The following NAIP variants were observed in gnomAD, a reference collection of about 807,000 sequenced individuals.
NAIP encodes the protein NLR family apoptosis inhibitory protein.
In NAIP, 15 loss-of-function variants were observed where a neutral mutation model predicts 23.0. The observed-to-expected ratio is 0.65, with a 90% CI of 0.44 to 1.00. The LOEUF (loss-of-function observed/expected upper bound fraction) is 1.00. Among genes scored for constraint, NAIP ranks in the 50% least tolerant of loss-of-function variants. NAIP has a pLI of 0.00. For missense variants in NAIP, 265 were observed against 278.8 expected (o/e 0.95, Z 0.35); for synonymous variants, 100 against 100.2 (o/e 1.00, Z 0.01).
At chr5:71,010,513 G>A (rs147973562) in intron 5 of NAIP, among the ~76,000 whole-genome samples, 2,045 of 151,088 alleles carry the variant, frequency 0.014, 67 homozygotes, top group African/African-American at 0.046. Context: ...CGGATCCACC[G>A]GCCTCAGCCT....
At chr5:71,002,920 C>T (rs1227400711) in intron 6 of NAIP, 31 of 31,270 alleles carry the variant, frequency 9.9e-4, no homozygotes, top group Admixed American at 2.0e-3. Flanking sequence ...ACGGCAGAGT[C>T]GGAGGAGAAT....
chr5:71,011,582 G>A (rs549025484), intron 4 of NAIP: 11 of 570,420 alleles, frequency 1.9e-5, no homozygotes, highest in East Asian at 3.0e-5. Flanking sequence ...CCTAAGCTGT[G>A]TAACTCAATA....
At chr5:71,000,542 A>G (rs986623007) in intron 8 of NAIP, among the ~76,000 whole-genome samples, 1 of 121,346 alleles carries the variant, frequency 8.2e-6, no homozygotes, top group Non-Finnish European at 1.6e-5. Flanking sequence ...TAATAATAAT[A>G]ATAATTATTA....
rs767549021 is a variant in NAIP at position 71,012,611 on chromosome 5, A to C, written c.305T>G (p.Leu102Arg). Residue 102 changes from leucine to arginine, a missense_variant, in exon 4 of 17, where the codon CTA becomes CGA. By Grantham distance (102) the Leu-to-Arg change is moderately radical. Coordinates refer to ENST00000517649, the MANE Select transcript of NAIP (RefSeq NM_004536.3). ...KSGIQCFCCS[L>R]ILFGAGLTRL... ...CGTGAGGCCGGCACCAAAGAGGATT[A>C]GGCTACAGCAGAAGCACTGAATCCC... 6.2e-7 allele frequency: 1 copy of C among 1,612,030 alleles called. No homozygotes were observed. Among genetic ancestry groups the C allele is most frequent in the Non-Finnish European group, 8.5e-7 (1 of 1,178,526 alleles).
At position 71,011,416 on chromosome 5, in the gene NAIP, C is replaced by A. The variant is rs115981394; in HGVS notation, c.569-42G>T. 737 of 1,455,486 alleles carry A rather than the reference C, an allele frequency of 5.1e-4. 3 individuals are homozygous for A. In the African/African-American group the frequency reaches 9.3e-3, roughly 18 times the overall value. 90.2% of individuals were successfully genotyped at this position (1,455,486 alleles called of 1,614,324 possible). On this transcript the variant is annotated intron_variant, in intron 4 of 16. Coordinates refer to ENST00000517649, the MANE Select transcript of NAIP (RefSeq NM_004536.3). The stretch of plus-strand genomic sequence containing the variant: ...ATATTTAGATTGCCTGGCAGTGGCA[C>A]CAGGGGGTATGTACACAGAGTTGAT...
At chr5:70,978,796 T>A (rs1377210891) in intron 13 of NAIP, among the ~76,000 whole-genome samples, 1 of 59,652 alleles carries the variant, frequency 1.7e-5, no homozygotes, top group Non-Finnish European at 2.8e-5. Flanking sequence ...TCTTTCTTTT[T>A]TTTTTTTTTT....
chr5:71,013,167 A>T (rs935434278), intron 3 of NAIP, among the ~76,000 whole-genome samples: 3 of 151,570 alleles, frequency 2.0e-5, no homozygotes, highest in African/African-American at 7.3e-5. Context: ...ACAGACACCC[A>T]TCTGCCTCCA....
chr5:70,996,290 GA>G (rs1313747823), intron 9 of NAIP, among the ~76,000 whole-genome samples: 195 of 50,132 alleles, frequency 3.9e-3, no homozygotes, highest in African/African-American at 0.011. Flanking sequence ...AAAAGAAAAA[GA>G]AAAAAAAAAT....
intron 5 of NAIP, among the ~76,000 whole-genome samples, chr5:71,009,643 T>G (rs186442892): frequency 5.5e-3 from 839 of 151,368 alleles, no homozygotes; most frequent in Admixed American, 9.6e-3. Context: ...TGAGCCAAGA[T>G]CGTACCACTG....
chr5:71,012,714 C>A lies in NAIP; in HGVS notation c.202G>T (p.Val68Leu). The A allele has an allele frequency of 6.2e-7, 1 of 1,611,770 alleles. No individual in the cohort carries two copies. The highest frequency in any genetic ancestry group is 8.5e-7 in the Non-Finnish European group (1 of 1,178,424). The change falls in exon 4 of 17, where the codon GTG becomes TTG. Residue 68 changes from valine to leucine, a missense_variant. This residue lies in a region of NAIP where 261 missense variants were observed against 259.2 expected (regional missense o/e 1.01). Coordinates refer to ENST00000517649, the MANE Select transcript of NAIP (RefSeq NM_004536.3). ...RSEAKRLKTF[V>L]TYEPYSSWIP... is the part of the protein sequence containing the mutation. ...CATGAGCTGTACGGCTCATAAGTCA[C>A]AAAAGTCTTTAACCTTTTTGCTTCA...
intron 4 of NAIP, chr5:71,011,606 G>A: frequency 1.9e-6 from 1 of 540,410 alleles, no homozygotes. Flanking sequence ...TGCCCCAGCT[G>A]CCCCCCAGAG....
At chr5:71,016,847 CTTTT>C (rs1231707099) in intron 3 of NAIP, among the ~76,000 whole-genome samples, 2 of 29,046 alleles carry the variant, frequency 6.9e-5, no homozygotes, top group African/African-American at 3.4e-4. Context: ...ACATTTTTCA[CTTTT>C]TTTTTTTCTT....
At chr5:71,015,017 G>A (rs1474593120) in intron 3 of NAIP, among the ~76,000 whole-genome samples, 5 of 151,714 alleles carry the variant, frequency 3.3e-5, no homozygotes, top group African/African-American at 1.2e-4. Flanking sequence ...CAGCTTAAAT[G>A]TGCATTGGTG....
At chr5:71,009,362 CA>C (rs555440243) in intron 5 of NAIP, among the ~76,000 whole-genome samples, 52 of 99,638 alleles carry the variant, frequency 5.2e-4, no homozygotes, top group Admixed American at 7.2e-4. Flanking sequence ...AACTCACTCT[CA>C]AAAAAAAAAA....
intron 5 of NAIP, 22 bp downstream of exon 5, chr5:71,011,253 T>C (rs749286854): frequency 1.1e-5 from 17 of 1,549,954 alleles, no homozygotes; most frequent in Middle Eastern, 3.4e-4. Context: ...AAGAAACATT[T>C]AAGCAAAAAT....
chr5:71,011,452 A>C, intron 4 of NAIP, 78 bp from the exon 5 acceptor site: 1 of 1,211,780 alleles, frequency 8.3e-7, no homozygotes, highest in Non-Finnish European at 1.2e-6. Context: ...TGTTTTGTTC[A>C]GGAGCAAGAC....
intron 5 of NAIP, 82 bp downstream of exon 5, chr5:71,011,193 A>G (rs1580932385): frequency 2.9e-6 from 3 of 1,050,650 alleles, no homozygotes; most frequent in African/African-American, 3.2e-5. Context: ...AAGTCATGCC[A>G]CTATACTCCA....
chr5:71,011,289 G>T lies in NAIP; in HGVS notation c.654C>A (p.Ala218=). The change falls in exon 5 of 17, where the codon GCC becomes GCA. Residue 218 remains alanine (A), a synonymous_variant. Transcript: ENST00000517649. The part of the protein sequence containing the change: ...EEGDDPWKEH[A]KWFPKCEFLR... ...TATCTACTTACTTGGGGAACCATTT[G>T]GCATGTTCCTTCCAAGGATCATCTC... The T allele has an allele frequency of 6.3e-7, 1 of 1,596,998 alleles. No individual in the cohort carries two copies.
At chr5:71,012,976 A>C in intron 3 of NAIP, 58 bp from the exon 4 acceptor site, 2 of 1,383,814 alleles carry the variant, frequency 1.4e-6, no homozygotes, top group East Asian at 2.4e-5. Context: ...TTAGAAGAGC[A>C]TTTCCCACTG....
Sources: gnomAD v4.1 joint callset for allele counts (sites outside exome capture counted in the v4.1 genomes callset) on GRCh38, gnomAD v4.1.1 for gene constraint, gnomAD v4.1.1 regional missense constraint, MANE v1.5 for transcripts, NCBI Gene and HGNC (gene_info 2026-07-23, HGNC 2026-07-21) for gene names.